The following LIMCH1 variants were observed in gnomAD, a reference collection of about 807,000 sequenced individuals.
LIMCH1 encodes LIM and calponin homology domains 1, also known as LIM and calponin homology domains-containing protein 1.
In LIMCH1, 113 loss-of-function variants were observed where a neutral mutation model predicts 176.5. The observed-to-expected ratio is 0.64, with a 90% confidence interval of 0.55 to 0.75. The LOEUF is 0.75. LIMCH1 is among the 30% of genes least tolerant of loss of function. The pLI, the probability that LIMCH1 is intolerant of heterozygous loss-of-function variation, is 0.00. For missense variants in LIMCH1, 1,674 were observed against 1,814.9 expected, an observed-to-expected ratio of 0.92 and a Z score of 1.41; for synonymous variants, 619 against 645.9, an observed-to-expected ratio of 0.96 and a Z score of 0.63.
In LIMCH1 at chr4:41,619,346, C is replaced by T; in HGVS notation, c.364C>T (p.Pro122Ser). ...CAAAAGCAATCAGACGGCCTACGTCCCCGCGCCTCTGAGAAAGAAGAAAGC... is the reference window on the plus strand; with the variant it reads ...CAAAAGCAATCAGACGGCCTACGTCTCCGCGCCTCTGAGAAAGAAGAAAGC... ...PNKSNQTAYV[P>S]APLRKKKAER... is the part of the protein sequence containing the mutation. Residue 122 changes from proline (P) to serine (S), a missense_variant, in exon 6 of 32, where the codon CCC becomes TCC. Physicochemically the swap from Pro to Ser is moderately conservative, Grantham distance 74. This residue lies in a region of LIMCH1 where 655 missense variants were observed against 692.2 expected (regional missense o/e 0.95). Coordinates refer to ENST00000503057, the MANE Select transcript of LIMCH1 (RefSeq NM_001330672.2). The T allele has an allele frequency of 6.2e-7, 1 of 1,614,124 alleles. No homozygotes were observed. The highest frequency in any genetic ancestry group is 8.5e-7 in the Non-Finnish European group (1 of 1,180,030).
chr4:41,397,773 G>C (rs1359520087), intron 1 of LIMCH1, among the ~76,000 whole-genome samples: 1 of 152,082 alleles, frequency 6.6e-6, no homozygotes, highest in African/African-American at 2.4e-5. Flanking sequence ...TTATGATGGT[G>C]ACTTTGTCAA....
At chr4:41,371,932 A>G (rs545723236) in intron 1 of LIMCH1, among the ~76,000 whole-genome samples, 3 of 152,346 alleles carry the variant, frequency 2.0e-5, no homozygotes, top group South Asian at 4.1e-4. Flanking sequence ...ATGCTTGGTA[A>G]GGTGCAAGTT....
chr4:41,436,755 G>A (rs1380927164), intron 1 of LIMCH1, among the ~76,000 whole-genome samples: 1 of 152,042 alleles, frequency 6.6e-6, no homozygotes, highest in Non-Finnish European at 1.5e-5. Context: ...GGGAAACTAG[G>A]ATTTTGTCAG....
At chr4:41,364,609 G>A (rs1337758922) in intron 1 of LIMCH1, among the ~76,000 whole-genome samples, 1 of 152,114 alleles carries the variant, frequency 6.6e-6, no homozygotes, top group Non-Finnish European at 1.5e-5. Flanking sequence ...TACTCATAAA[G>A]TGATCTTGGT....
Position 41,646,267 on chromosome 4 carries a change from A to T in LIMCH1, c.2398A>T (p.Ile800Phe). 1 of 1,608,868 alleles carries T rather than the reference A, an allele frequency of 6.2e-7. No individual in the cohort carries two copies. Among genetic ancestry groups the T allele is most frequent in the Non-Finnish European group, 8.5e-7 (1 of 1,178,838 alleles). The part of the protein sequence containing the change: ...RRKSIKTYRE[I>F]VQEKERRERE... ...GAAAAGCATCAAAACCTACAGAGAA[A>T]TTGTTCAAGAAAAGTGAGTTCTTTC... is the stretch of plus-strand genomic sequence containing the variant. Residue 800 changes from isoleucine to phenylalanine, a missense_variant, in exon 16 of 32, where the codon ATT becomes TTT. Physicochemically the swap from Ile to Phe is conservative, Grantham distance 21. Transcript: ENST00000503057.
chr4:41,540,440 AAT>A (rs2078478571), intron 1 of LIMCH1, among the ~76,000 whole-genome samples: 2 of 152,302 alleles, frequency 1.3e-5, no homozygotes, highest in South Asian at 4.1e-4. Flanking sequence ...ATAATTTGAG[AAT>A]AAAAGAATAA....
chr4:41,677,986 G>A (rs990696534), intron 23 of LIMCH1, among the ~76,000 whole-genome samples: 2 of 151,990 alleles, frequency 1.3e-5, no homozygotes, highest in Admixed American at 6.6e-5. Context: ...TGCAGAACGG[G>A]CAGGTTTGTT....
chr4:41,570,125 C>T (rs990956144), intron 1 of LIMCH1, among the ~76,000 whole-genome samples: 3 of 152,142 alleles, frequency 2.0e-5, no homozygotes, highest in South Asian at 2.1e-4. Context: ...TAACACAGAA[C>T]GGTATCCTTG....
rs547894344 is a variant in LIMCH1 at position 41,697,017 on chromosome 4, A to C, written c.4379-143A>C. 2.1e-5 allele frequency: 16 copies of C among 768,856 alleles called. No homozygotes were observed. The South Asian group carries it at 2.1e-4, about 10-fold the overall frequency. 47.6% of individuals were successfully genotyped at this position (768,856 alleles called of 1,614,324 possible). On this transcript the variant is annotated intron_variant, in intron 31 of 31. Coordinates refer to ENST00000503057, the MANE Select transcript of LIMCH1 (RefSeq NM_001330672.2). ...ACTACTTGTCCTGGGGCCACACTTC[A>C]AGTAGCAGGATGGGAGAAGTTTCTG...
At chr4:41,485,748 C>T (rs779481678) in intron 1 of LIMCH1, among the ~76,000 whole-genome samples, 7 of 152,086 alleles carry the variant, frequency 4.6e-5, no homozygotes, top group Non-Finnish European at 8.8e-5. Context: ...GGAGTGGGAG[C>T]GAGGGTCTGA....
chr4:41,574,785 C>T (rs182309732), intron 1 of LIMCH1, among the ~76,000 whole-genome samples: 68 of 152,226 alleles, frequency 4.5e-4, no homozygotes, highest in African/African-American at 1.3e-3. Flanking sequence ...TGTAAGGGAG[C>T]GAAATAGGTT....
At chr4:41,628,370 G>A (rs971928776) in intron 8 of LIMCH1, among the ~76,000 whole-genome samples, 1 of 151,060 alleles carries the variant, frequency 6.6e-6, no homozygotes, top group Non-Finnish European at 1.5e-5. Context: ...CGCAGTTCTG[G>A]GTCTGAAGCA....
At chr4:41,556,471 G>C (rs1039195858) in intron 1 of LIMCH1, among the ~76,000 whole-genome samples, 1 of 151,494 alleles carries the variant, frequency 6.6e-6, no homozygotes, top group African/African-American at 2.4e-5. Context: ...CAAGGTCCCT[G>C]GTTCTACCTT....
intron 2 of LIMCH1, among the ~76,000 whole-genome samples, chr4:41,515,600 T>C (rs1186600776): frequency 6.6e-6 from 1 of 152,254 alleles, no homozygotes; most frequent in Non-Finnish European, 1.5e-5. Context: ...GTTTTACTTA[T>C]TCCACATCCT....
chr4:41,613,110 G>A, intron 4 of LIMCH1: 2 of 1,551,436 alleles, frequency 1.3e-6, no homozygotes, highest in Non-Finnish European at 1.7e-6. Context: ...TTAAGGTTTT[G>A]GTTTTTCGTT....
At chr4:41,469,370 C>T (rs539278800) in intron 1 of LIMCH1, among the ~76,000 whole-genome samples, 3 of 152,158 alleles carry the variant, frequency 2.0e-5, no homozygotes, top group Non-Finnish European at 4.4e-5. Context: ...CTCTTTCAAT[C>T]AGTAATAGGT....
chr4:41,460,478 A>C (rs1047855212), intron 1 of LIMCH1, among the ~76,000 whole-genome samples: 7 of 145,084 alleles, frequency 4.8e-5, no homozygotes, highest in South Asian at 4.4e-4. Context: ...ATATATATAT[A>C]TCTTATAATA....
At chr4:41,663,205 G>A (rs3749564) in intron 20 of LIMCH1, among the ~76,000 whole-genome samples, 49,636 of 150,474 alleles carry the variant, frequency 0.33, 9,436 homozygotes, top group African/African-American at 0.52. Flanking sequence ...CCAGGCTGGA[G>A]TGCAGCGGTG....
chr4:41,513,953 C>A (rs140853285), intron 2 of LIMCH1, among the ~76,000 whole-genome samples: 1 of 120,068 alleles, frequency 8.3e-6, no homozygotes, highest in Non-Finnish European at 1.6e-5. Context: ...TTCCGGTGAG[C>A]GGAGATCGTG....
Sources: gnomAD v4.1 joint callset for allele counts (sites outside exome capture counted in the v4.1 genomes callset) on GRCh38, gnomAD v4.1.1 for gene constraint, gnomAD v4.1.1 regional missense constraint, MANE v1.5 for transcripts, NCBI Gene and HGNC (gene_info 2026-07-23, HGNC 2026-07-21) for gene names.